The following SPAG16 variants were observed in gnomAD, a reference collection of about 807,000 sequenced individuals.
The protein encoded by SPAG16 is sperm associated antigen 16, also known as sperm-associated antigen 16 protein.
Under a neutral mutation model 80.4 loss-of-function variants are expected in SPAG16, and 86 were observed. The observed-to-expected ratio is 1.07, with a 90% CI of 0.90 to 1.28. SPAG16 has a LOEUF of 1.28. Among genes scored for constraint, SPAG16 ranks in the 50% most tolerant of loss-of-function variants. The pLI is 0.00. For synonymous variants in SPAG16, 294 were observed against 265.9 expected, an observed-to-expected ratio of 1.11 and a Z score of -1.03; for missense variants, 870 against 765.3, an observed-to-expected ratio of 1.14 and a Z score of -1.61.
At chr2:213,431,999 T>C (rs987428438) in intron 9 of SPAG16, among the ~76,000 whole-genome samples, 2 of 152,052 alleles carry the variant, frequency 1.3e-5, no homozygotes, top group Non-Finnish European at 2.9e-5. Context: ...TGCTAAATGA[T>C]CTTTGAGTCA....
chr2:213,377,912 T>A (rs1300346894), intron 9 of SPAG16, among the ~76,000 whole-genome samples: 34 of 133,342 alleles, frequency 2.5e-4, no homozygotes, highest in Non-Finnish European at 1.3e-4. Flanking sequence ...TATTTTTTTT[T>A]TTTTTTCTTT....
rs527505117 is a variant in SPAG16 at position 213,918,926 on chromosome 2, A to C, written c.1215-11034A>C. ...GATTTTTTAGTTTGTGCATAGAAGT[A>C]TTCGTAATAGTCTCTGATGGTTATT... On this transcript the variant is annotated intron_variant, in intron 11 of 15. Coordinates refer to ENST00000331683, the MANE Select transcript of SPAG16 (RefSeq NM_024532.5). 2.6e-5 allele frequency among the ~76,000 whole-genome samples: 4 copies of C among 152,166 alleles called. No individual in the cohort carries two copies. The East Asian group carries it at 7.7e-4, about 29-fold the overall frequency.
At chr2:214,263,476 T>C (rs1485581809) in intron 15 of SPAG16, among the ~76,000 whole-genome samples, 3 of 152,174 alleles carry the variant, frequency 2.0e-5, no homozygotes, top group Admixed American at 2.0e-4. Context: ...GATTTCAGAG[T>C]ACTTTTGCAT....
intron 13 of SPAG16, among the ~76,000 whole-genome samples, chr2:214,066,241 C>T (rs2050522748): frequency 6.6e-6 from 1 of 152,124 alleles, no homozygotes; most frequent in Admixed American, 6.6e-5. Context: ...TCCCACAATC[C>T]TCCAGCAAAC....
chr2:214,259,655 T>C (rs1217944275), intron 15 of SPAG16, among the ~76,000 whole-genome samples: 1 of 150,306 alleles, frequency 6.7e-6, no homozygotes, highest in Non-Finnish European at 1.5e-5. Context: ...TTGGTTGGTG[T>C]TTATTTTGTT....
intron 10 of SPAG16, among the ~76,000 whole-genome samples, chr2:213,538,768 T>C (rs1417419869): frequency 6.6e-6 from 1 of 152,200 alleles, no homozygotes; most frequent in Non-Finnish European, 1.5e-5. Flanking sequence ...TTCACAGGGT[T>C]AGGATTATTT....
intron 9 of SPAG16, among the ~76,000 whole-genome samples, chr2:213,412,032 C>T (rs193220800): frequency 1.6e-4 from 25 of 152,260 alleles, no homozygotes; most frequent in South Asian, 1.5e-3. Context: ...TTGTAAACTT[C>T]CTCGTGAAGC....
At chr2:213,328,924 C>G (rs1323439069) in intron 5 of SPAG16, among the ~76,000 whole-genome samples, 4 of 152,134 alleles carry the variant, frequency 2.6e-5, no homozygotes, top group Admixed American at 6.5e-5. Context: ...CAATGCTGTT[C>G]TCCTGATAGG....
At chr2:213,985,430 G>A (rs1007888170) in intron 12 of SPAG16, among the ~76,000 whole-genome samples, 2 of 152,080 alleles carry the variant, frequency 1.3e-5, no homozygotes, top group African/African-American at 4.8e-5. Flanking sequence ...AAAATAGTTT[G>A]TAAAACCATT....
At position 214,355,367 on chromosome 2, in the gene SPAG16, T is replaced by C. The variant is rs1576865896; in HGVS notation, c.1721-54773T>C. On this transcript the variant is annotated intron_variant, in intron 15 of 15. Transcript: ENST00000331683. Reference sequence around the variant, plus strand: ...CCCATCAAAAAGTGGGCGAAGGACATGAACAGACACTTCTCAAAAGAAGAC... The same window carrying C: ...CCCATCAAAAAGTGGGCGAAGGACACGAACAGACACTTCTCAAAAGAAGAC... 2.9e-5 allele frequency among the ~76,000 whole-genome samples: 4 copies of C among 138,312 alleles called. No individual in the cohort carries two copies. In the South Asian group the frequency reaches 1.1e-3, roughly 37 times the overall value. 90.7% of individuals were successfully genotyped at this position (138,312 alleles called of 152,430 possible).
intron 15 of SPAG16, among the ~76,000 whole-genome samples, chr2:214,221,280 GT>G (rs553077893): frequency 6.6e-5 from 10 of 151,782 alleles, no homozygotes; most frequent in South Asian, 2.1e-4. Context: ...TTTAAATGTA[GT>G]TTTTTTTGAA....
chr2:213,294,839 T>C (rs2062434244), intron 1 of SPAG16, among the ~76,000 whole-genome samples: 1 of 152,174 alleles, frequency 6.6e-6, no homozygotes, highest in Non-Finnish European at 1.5e-5. Context: ...GGCAATATAA[T>C]ATGGTGAAAC....
At chr2:213,732,727 GC>G (rs2067106406) in intron 10 of SPAG16, among the ~76,000 whole-genome samples, 1 of 152,088 alleles carries the variant, frequency 6.6e-6, no homozygotes, top group South Asian at 2.1e-4. Context: ...TTTTCCATTT[GC>G]TTGTGTTATC....
At chr2:214,067,136 G>C (rs535584571) in intron 13 of SPAG16, among the ~76,000 whole-genome samples, 1 of 152,222 alleles carries the variant, frequency 6.6e-6, no homozygotes, top group Non-Finnish European at 1.5e-5. Context: ...AGCTTTCTAT[G>C]TGAAGAAAGC....
chr2:213,436,903 A>C (rs1298463591), intron 9 of SPAG16, among the ~76,000 whole-genome samples: 2 of 152,038 alleles, frequency 1.3e-5, no homozygotes, highest in Non-Finnish European at 2.9e-5. Flanking sequence ...CTACGCAAAA[A>C]TGATAAACTC....
intron 10 of SPAG16, among the ~76,000 whole-genome samples, chr2:213,851,575 G>A (rs907641559): frequency 2.0e-5 from 3 of 152,084 alleles, no homozygotes; most frequent in African/African-American, 7.2e-5. Flanking sequence ...AATTTTAATC[G>A]CAGTACCATT....
intron 11 of SPAG16, among the ~76,000 whole-genome samples, chr2:213,903,802 C>T (rs913836603): frequency 1.3e-5 from 2 of 152,200 alleles, no homozygotes; most frequent in African/African-American, 4.8e-5. Context: ...TGTTTTTTAA[C>T]AGCACCCAAG....
intron 10 of SPAG16, among the ~76,000 whole-genome samples, chr2:213,502,512 G>GA (rs1186827136): frequency 6.6e-6 from 1 of 152,092 alleles, no homozygotes; most frequent in African/African-American, 2.4e-5. Flanking sequence ...TCATTTAGAT[G>GA]AAAGTAGAAA....
chr2:214,285,940 A>C (rs1204392548), intron 15 of SPAG16, among the ~76,000 whole-genome samples: 1 of 152,206 alleles, frequency 6.6e-6, no homozygotes, highest in African/African-American at 2.4e-5. Flanking sequence ...GTCATCGTCT[A>C]GACCAATGTT....
Sources: allele counts gnomAD v4.1 joint callset (sites outside exome capture counted in the v4.1 genomes callset), GRCh38; gene constraint gnomAD v4.1.1; transcripts MANE v1.5; gene names NCBI Gene and HGNC (gene_info 2026-07-23, HGNC 2026-07-21).